Variants in KLF8 observed in about 807,000 individuals in gnomAD.
The protein encoded by KLF8 is Krueppel-like factor 8.
In KLF8, 10 loss-of-function variants were observed where a neutral mutation model predicts 18.2. The observed-to-expected ratio is 0.55, with a 90% CI of 0.34 to 0.93. The LOEUF (loss-of-function observed/expected upper bound fraction) is 0.93. Ranked by LOEUF, KLF8 falls within the 40% of genes least tolerant of loss-of-function variation. The pLI is 0.02. For synonymous variants in KLF8, 109 were observed against 97.3 expected (o/e 1.12, Z -0.71); for missense variants, 264 against 277.9 (o/e 0.95, Z 0.36).
the KLF8 span, among the ~76,000 whole-genome samples, chrX:56,150,393 A>C: frequency 8.9e-6 from 1 of 112,165 alleles, no homozygotes; most frequent in African/African-American, 3.2e-5. Flanking sequence ...ATTCACAATA[A>C]TTTTAAGAAC....
At chrX:56,256,275 T>C (rs1006283153) in intron 2 of KLF8, among the ~76,000 whole-genome samples, 4 of 111,964 alleles carry the variant, frequency 3.6e-5, no homozygotes, top group Non-Finnish European at 7.5e-5. Context: ...TCTCTCTTTT[T>C]TTCTCATTAG....
chrX:56,116,191 A>G, the KLF8 span, among the ~76,000 whole-genome samples: 1 of 112,990 alleles, frequency 8.9e-6, no homozygotes, highest in Non-Finnish European at 1.9e-5. Flanking sequence ...ATCTGGCCAA[A>G]GAGATCCTGG....
At chrX:56,259,613 A>G (rs748895701) in intron 2 of KLF8, among the ~76,000 whole-genome samples, 155 of 110,732 alleles carry the variant, frequency 1.4e-3, no homozygotes, top group Non-Finnish European at 2.0e-3. Context: ...CTCCTGGAAC[A>G]CTAAATTATC....
At chrX:56,086,920 G>T in the KLF8 span, among the ~76,000 whole-genome samples, 1 of 111,443 alleles carries the variant, frequency 9.0e-6, no homozygotes, top group Non-Finnish European at 1.9e-5. Context: ...AGCACCAAAG[G>T]ACAGTGATAT....
the KLF8 span, among the ~76,000 whole-genome samples, chrX:56,105,920 C>G: frequency 9.0e-6 from 1 of 111,294 alleles, no homozygotes; most frequent in African/African-American, 3.3e-5. Flanking sequence ...CTGGTGGTGA[C>G]AAAATCTCTC....
chrX:55,998,808 A>G, the KLF8 span, among the ~76,000 whole-genome samples: 19,945 of 67,570 alleles, frequency 0.3, 4,828 homozygotes, highest in African/African-American at 0.69. Context: ...TTGGTCTTTT[A>G]ATTTTTTTTT....
the KLF8 span, among the ~76,000 whole-genome samples, chrX:56,186,451 A>G: frequency 9.0e-6 from 1 of 111,446 alleles, no homozygotes. Flanking sequence ...GCCACTGTCA[A>G]CGTTAGACAG....
At chrX:56,013,273 T>C in the KLF8 span, among the ~76,000 whole-genome samples, 1 of 112,541 alleles carries the variant, frequency 8.9e-6, no homozygotes, top group Admixed American at 9.4e-5. Context: ...GCCAATTTCT[T>C]CCACTTGGAA....
chrX:56,080,154 A>G, the KLF8 span, among the ~76,000 whole-genome samples: 1 of 110,098 alleles, frequency 9.1e-6, no homozygotes, highest in Non-Finnish European at 1.9e-5. Context: ...TTCCATTTAA[A>G]GTTAATATTG....
At chrX:55,956,153 CT>C in the KLF8 span, among the ~76,000 whole-genome samples, 735 of 100,961 alleles carry the variant, frequency 7.3e-3, 14 homozygotes, top group African/African-American at 0.031. Context: ...ATCTATCTAT[CT>C]ATCTATCTAT....
rs2067301599 is a variant in KLF8, at chrX:56,289,480, A to G, written c.*4986A>G. On this transcript the variant is annotated 3_prime_UTR_variant, in exon 6 of 6. Coordinates refer to ENST00000468660, the MANE Select transcript of KLF8 (RefSeq NM_007250.5). ...GTCTCAGCTAACAGCAAGGAAACAT[A>G]TGTGTGTATACTATCCTATGTATAT... Among the ~76,000 whole-genome samples, 1 of 111,986 alleles carries G rather than the reference A, an allele frequency of 8.9e-6. No individual in the cohort carries two copies. Among genetic ancestry groups the G allele is most frequent in the Admixed American group, 9.5e-5 (1 of 10,524 alleles).
the KLF8 span, among the ~76,000 whole-genome samples, chrX:55,920,125 C>A: frequency 8.9e-6 from 1 of 111,911 alleles, no homozygotes; most frequent in South Asian, 3.7e-4. Context: ...CAGCTCAGAG[C>A]ATGGTAGCTC....
At chrX:56,181,648 G>T in the KLF8 span, among the ~76,000 whole-genome samples, 1 of 111,636 alleles carries the variant, frequency 9.0e-6, no homozygotes, top group Admixed American at 9.6e-5. Flanking sequence ...GCTCTTGAAA[G>T]GCAGGCCTGG....
At chrX:56,041,669 T>TGTTGTTGTTGTTGTG in the KLF8 span, among the ~76,000 whole-genome samples, 126 of 30,010 alleles carry the variant, frequency 4.2e-3, no homozygotes, top group Middle Eastern at 0.012. Context: ...TCTCTAGTTT[T>TGTTGTTGTTGTTGTG]GTTGTTGTTG....
At chrX:56,082,575 A>G in the KLF8 span, among the ~76,000 whole-genome samples, 5 of 110,212 alleles carry the variant, frequency 4.5e-5, no homozygotes, top group African/African-American at 1.6e-4. Context: ...TTCTTTTTTA[A>G]AAAAGTAAGC....
chrX:56,035,090 C>A, the KLF8 span, among the ~76,000 whole-genome samples: 2 of 111,664 alleles, frequency 1.8e-5, no homozygotes, highest in Admixed American at 1.9e-4. Flanking sequence ...AATTTTATGT[C>A]CTTTAAGAAA....
the KLF8 span, among the ~76,000 whole-genome samples, chrX:56,117,576 C>T: frequency 8.9e-5 from 10 of 111,799 alleles, no homozygotes; most frequent in African/African-American, 2.3e-4. Context: ...TCATTAGGAA[C>T]AGTGAAACAA....
chrX:56,046,811 T>C, the KLF8 span, among the ~76,000 whole-genome samples: 2 of 111,514 alleles, frequency 1.8e-5, no homozygotes, highest in Non-Finnish European at 3.8e-5. Context: ...TGTAAAGATT[T>C]TTTCCTTTGT....
chrX:56,203,018 G>A, the KLF8 span, among the ~76,000 whole-genome samples: 2 of 111,012 alleles, frequency 1.8e-5, no homozygotes, highest in Non-Finnish European at 3.8e-5. Context: ...CTTCATAGTG[G>A]TTGTACTAAT....
Sources: allele counts gnomAD v4.1 joint callset (sites outside exome capture counted in the v4.1 genomes callset), GRCh38; gene constraint gnomAD v4.1.1; transcripts MANE v1.5; gene names NCBI Gene and HGNC (gene_info 2026-07-23, HGNC 2026-07-21).